Variants in KCTD16 observed in about 807,000 individuals in gnomAD.
KCTD16 encodes the protein BTB/POZ domain-containing protein KCTD16.
Under a neutral mutation model 33.2 loss-of-function variants are expected in KCTD16, and 13 were observed. That is an observed-to-expected ratio of 0.39 (90% CI 0.25 to 0.62). The LOEUF is 0.62. Among genes scored for constraint, KCTD16 ranks in the 20% least tolerant of loss-of-function variants. The pLI is 0.50. For synonymous variants in KCTD16, 197 were observed against 195.3 expected (o/e 1.01, Z -0.07); for missense variants, 441 against 525.1 (o/e 0.84, Z 1.57).
At chr5:144,322,047 A>C (rs1233302350) in intron 3 of KCTD16, among the ~76,000 whole-genome samples, 1 of 152,214 alleles carries the variant, frequency 6.6e-6, no homozygotes, top group African/African-American at 2.4e-5. Context: ...GAAAGTGTAG[A>C]AGCAATATAA....
intron 2 of KCTD16, among the ~76,000 whole-genome samples, chr5:144,176,176 A>C (rs1489083628): frequency 2.0e-5 from 3 of 152,098 alleles, no homozygotes. Flanking sequence ...TTTTCTTGAT[A>C]TGTTTCATCT....
Position 144,484,278 on chromosome 5 carries a change from G to A in KCTD16, c.*10164G>A, listed in dbSNP as rs1463853482. 3 of 151,782 alleles carry A rather than the reference G, an allele frequency of 2.0e-5. No homozygotes were observed. Among genetic ancestry groups the A allele is most frequent in the South Asian group, 2.1e-4 (1 of 4,818 alleles). The allele number at this position is 151,782 out of a possible 1,614,324, so 9.4% of individuals were successfully genotyped here. On this transcript the variant is annotated 3_prime_UTR_variant, in exon 4 of 4. Transcript: ENST00000512467. ...AGACACACAGAAACACAAACTTAGC[G>A]GAGCTGCACTTCAGAGAGTCCCACT...
intron 3 of KCTD16, among the ~76,000 whole-genome samples, chr5:144,266,217 A>G (rs1013335298): frequency 6.6e-6 from 1 of 152,268 alleles, no homozygotes. Context: ...ATATGAGTAC[A>G]TTGTCTTCAA....
At position 144,476,941 on chromosome 5, in the gene KCTD16, C is replaced by T. The variant is rs1396690596; in HGVS notation, c.*2827C>T. The T allele has an allele frequency of 6.6e-6, 1 of 152,060 alleles. No homozygotes were observed. The highest frequency in any genetic ancestry group is 1.5e-5 in the Non-Finnish European group (1 of 67,998). The allele number at this position is 152,060 out of a possible 1,614,324, so 9.4% of individuals were successfully genotyped here. ...TGGTTATGACAAGGGCCATAAATTG[C>T]TAATATAAAGAAGTTAGTAGTATTG... is the stretch of plus-strand genomic sequence containing the variant. On this transcript the variant is annotated 3_prime_UTR_variant, in exon 4 of 4. Transcript: ENST00000512467.
intron 3 of KCTD16, among the ~76,000 whole-genome samples, chr5:144,256,062 G>A (rs1038679603): frequency 5.3e-5 from 8 of 152,268 alleles, no homozygotes; most frequent in African/African-American, 1.9e-4. Context: ...GTACCAGGAT[G>A]CTTTCAAGTC....
At chr5:144,370,838 G>A (rs941032081) in intron 3 of KCTD16, among the ~76,000 whole-genome samples, 1 of 152,098 alleles carries the variant, frequency 6.6e-6, no homozygotes, top group Non-Finnish European at 1.5e-5. Context: ...ATACAGAGTT[G>A]CTTAAAAGCT....
At chr5:144,334,544 A>G (rs562825323) in intron 3 of KCTD16, among the ~76,000 whole-genome samples, 1 of 152,310 alleles carries the variant, frequency 6.6e-6, no homozygotes, top group African/African-American at 2.4e-5. Context: ...CAGTAATAAT[A>G]GCTTTCAATT....
chr5:144,237,790 C>A (rs1754294183), intron 3 of KCTD16, among the ~76,000 whole-genome samples: 1 of 152,066 alleles, frequency 6.6e-6, no homozygotes, highest in Non-Finnish European at 1.5e-5. Flanking sequence ...AGTCCCACAG[C>A]AGAACTTAGC....
At chr5:144,216,531 C>T (rs1374453599) in intron 3 of KCTD16, among the ~76,000 whole-genome samples, 4 of 152,114 alleles carry the variant, frequency 2.6e-5, no homozygotes, top group Non-Finnish European at 5.9e-5. Context: ...ACTCATTGAA[C>T]ATAATTTGGT....
chr5:144,268,747 C>A (rs1314838872), intron 3 of KCTD16, among the ~76,000 whole-genome samples: 1 of 152,030 alleles, frequency 6.6e-6, no homozygotes, highest in Non-Finnish European at 1.5e-5. Flanking sequence ...ACAACAGAAA[C>A]TGTTCCTGAA....
chr5:144,443,606 G>A (rs902481659), intron 3 of KCTD16, among the ~76,000 whole-genome samples: 4 of 151,980 alleles, frequency 2.6e-5, no homozygotes, highest in African/African-American at 9.7e-5. Flanking sequence ...TTTTCAAGAT[G>A]ATGAAGTGTT....
chr5:144,414,213 G>A (rs181524627), intron 3 of KCTD16, among the ~76,000 whole-genome samples: 7 of 152,182 alleles, frequency 4.6e-5, no homozygotes, highest in Admixed American at 4.6e-4. Context: ...TATTCCCCTT[G>A]TTATTTCGTT....
At chr5:144,419,742 A>T (rs1262471736) in intron 3 of KCTD16, among the ~76,000 whole-genome samples, 2 of 152,300 alleles carry the variant, frequency 1.3e-5, no homozygotes, top group Admixed American at 1.3e-4. Context: ...ATGGCTATAT[A>T]ACACTTGAAA....
rs1439009144 is a variant in KCTD16 at position 144,294,718 on chromosome 5, C to G, written c.832+87172C>G. On this transcript the variant is annotated intron_variant, in intron 3 of 3. Coordinates refer to ENST00000512467, the MANE Select transcript of KCTD16 (RefSeq NM_020768.4). The stretch of plus-strand genomic sequence containing the variant: ...ATGGGACAGAATTGAGTGGGCAGAA[C>G]TGGGTTCTAATCATTGTTTCAATAT... Among the ~76,000 whole-genome samples, 10 of 152,238 alleles carry G rather than the reference C, an allele frequency of 6.6e-5. No individual in the cohort carries two copies. The South Asian group carries it at 2.1e-3, about 32-fold the overall frequency.
At chr5:144,460,414 T>G (rs1242934126) in intron 3 of KCTD16, among the ~76,000 whole-genome samples, 3 of 152,146 alleles carry the variant, frequency 2.0e-5, no homozygotes, top group Non-Finnish European at 4.4e-5. Context: ...CTGTTTTATT[T>G]TCTTCATAGC....
At chr5:144,439,312 A>G (rs1753648387) in intron 3 of KCTD16, 1 of 482,198 alleles carries the variant, frequency 2.1e-6, no homozygotes, top group South Asian at 1.8e-5. Context: ...CCTAAAACCC[A>G]CTTGAATTGA....
chr5:144,249,133 C>T (rs934491096), intron 3 of KCTD16, among the ~76,000 whole-genome samples: 6 of 152,146 alleles, frequency 3.9e-5, no homozygotes, highest in South Asian at 2.1e-4. Flanking sequence ...GCAACACCCT[C>T]GTCTTCATTT....
At chr5:144,182,100 A>T (rs1474874748) in intron 2 of KCTD16, among the ~76,000 whole-genome samples, 1 of 151,820 alleles carries the variant, frequency 6.6e-6, no homozygotes, top group Non-Finnish European at 1.5e-5. Flanking sequence ...AAAAAAAAAA[A>T]AGTTATCAGG....
At chr5:144,184,891 G>GT (rs139650655) in intron 2 of KCTD16, among the ~76,000 whole-genome samples, 25,407 of 152,072 alleles carry the variant, frequency 0.17, 2,317 homozygotes, top group Admixed American at 0.26. Context: ...TCTGTCTACA[G>GT]AAAAATTTTA....
Sources: allele counts gnomAD v4.1 joint callset (sites outside exome capture counted in the v4.1 genomes callset), GRCh38; gene constraint gnomAD v4.1.1; transcripts MANE v1.5; gene names NCBI Gene and HGNC (gene_info 2026-07-23, HGNC 2026-07-21).